LOC400499: variants seen among roughly 807,000 people sequenced by gnomAD.
the LOC400499 span, among the ~76,000 whole-genome samples, chr16:11,436,351 C>A: frequency 6.6e-6 from 1 of 152,004 alleles, no homozygotes; most frequent in Non-Finnish European, 1.5e-5. Context: ...ATCTGGGTAC[C>A]CAAGTGGTCA....
the LOC400499 span, chr16:11,461,127 G>T: frequency 6.5e-7 from 1 of 1,530,804 alleles, no homozygotes; most frequent in Admixed American, 2.0e-5. Flanking sequence ...GTGCTGCAGG[G>T]ACAGAGAGCA....
At chr16:11,516,271 C>G in the LOC400499 span, 1 of 399,612 alleles carries the variant, frequency 2.5e-6, no homozygotes, top group Non-Finnish European at 4.4e-6. Flanking sequence ...GCCCAGAGTG[C>G]AGGATGAAGC....
chr16:11,417,819 A>G, the LOC400499 span: 19 of 398,860 alleles, frequency 4.8e-5, no homozygotes, highest in South Asian at 2.2e-3. Context: ...CGGAGCTGCC[A>G]TTGTGAATGT....
At chr16:11,525,744 G>A in the LOC400499 span, among the ~76,000 whole-genome samples, 1 of 152,150 alleles carries the variant, frequency 6.6e-6, no homozygotes, top group Admixed American at 6.5e-5. Flanking sequence ...GTGAGCTGAG[G>A]TCTGAGAGCA....
chr16:11,510,769 A>C, the LOC400499 span, among the ~76,000 whole-genome samples: 1,772 of 151,642 alleles, frequency 0.012, 99 homozygotes, highest in African/African-American at 0.041. Flanking sequence ...AGAATCTGCA[A>C]ACCTAAGGAG....
chr16:11,519,691 G>A, the LOC400499 span, among the ~76,000 whole-genome samples: 3 of 150,752 alleles, frequency 2.0e-5, no homozygotes, highest in Non-Finnish European at 1.5e-5. Flanking sequence ...AAAAAGTCAC[G>A]TATTATGTGA....
the LOC400499 span, among the ~76,000 whole-genome samples, chr16:11,434,636 T>A: frequency 6.6e-6 from 1 of 152,160 alleles, no homozygotes; most frequent in East Asian, 1.9e-4. Context: ...CAGAAAAGAG[T>A]TTGTTTTTTC....
chr16:11,394,962 G>A, the LOC400499 span, among the ~76,000 whole-genome samples: 4 of 152,246 alleles, frequency 2.6e-5, no homozygotes, highest in South Asian at 2.1e-4. Context: ...CCTAGGAATC[G>A]AATGCAGGGT....
the LOC400499 span, among the ~76,000 whole-genome samples, chr16:11,422,963 C>T: frequency 6.6e-6 from 1 of 152,196 alleles, no homozygotes. Context: ...CGATGACCAT[C>T]AGGTTGAGCT....
the LOC400499 span, among the ~76,000 whole-genome samples, chr16:11,380,200 C>G: frequency 6.6e-6 from 1 of 151,502 alleles, no homozygotes; most frequent in Non-Finnish European, 1.5e-5. Context: ...ATGAAAATTA[C>G]AATACAGGTC....
At chr16:11,481,782 A>G in the LOC400499 span, among the ~76,000 whole-genome samples, 2 of 151,970 alleles carry the variant, frequency 1.3e-5, no homozygotes, top group African/African-American at 4.8e-5. Context: ...ACAGGTGCAC[A>G]CCACCATGCC....
At chr16:11,407,257 C>A in the LOC400499 span, 1 of 399,096 alleles carries the variant, frequency 2.5e-6, no homozygotes, top group Non-Finnish European at 4.4e-6. Flanking sequence ...TAGCAGCTAC[C>A]TGCCGGGTGC....
At chr16:11,403,023 C>T in the LOC400499 span, among the ~76,000 whole-genome samples, 137 of 152,072 alleles carry the variant, frequency 9.0e-4, no homozygotes, top group Non-Finnish European at 1.6e-3. Context: ...AACAGATGGC[C>T]TCCACACCCC....
the LOC400499 span, among the ~76,000 whole-genome samples, chr16:11,462,940 A>G: frequency 1.2e-4 from 19 of 152,030 alleles, no homozygotes; most frequent in Admixed American, 9.2e-4. Flanking sequence ...GGCCTGTCTC[A>G]CTGCAACATC....
chr16:11,504,321 C>T, the LOC400499 span, among the ~76,000 whole-genome samples: 1 of 152,062 alleles, frequency 6.6e-6, no homozygotes, highest in South Asian at 2.1e-4. Flanking sequence ...TTTGGGAGGC[C>T]GAGCCGGGTG....
At chr16:11,407,052 T>C in the LOC400499 span, 1 of 391,776 alleles carries the variant, frequency 2.6e-6, no homozygotes, top group African/African-American at 2.1e-5. Flanking sequence ...TCCAGCTCAA[T>C]AAATCCAGCA....
chr16:11,514,069 A>G, the LOC400499 span, among the ~76,000 whole-genome samples: 2 of 152,182 alleles, frequency 1.3e-5, no homozygotes, highest in African/African-American at 4.8e-5. Context: ...AAATGGGCAG[A>G]CTGAGGGGTC....
chr16:11,443,716 C>T, the LOC400499 span, among the ~76,000 whole-genome samples: 1 of 152,096 alleles, frequency 6.6e-6, no homozygotes, highest in African/African-American at 2.4e-5. Context: ...CACAAGGAAA[C>T]TGAGGTCCAG....
chr16:11,489,234 T>G, the LOC400499 span, among the ~76,000 whole-genome samples: 1 of 152,162 alleles, frequency 6.6e-6, no homozygotes, highest in Admixed American at 6.6e-5. Context: ...TCAGTGAAAA[T>G]GAGAAGTCAG....
Sources: gnomAD v4.1 joint callset for allele counts (sites outside exome capture counted in the v4.1 genomes callset) on GRCh38, gnomAD v4.1.1 for gene constraint, MANE v1.5 for transcripts.